GRIN2A: variants seen among roughly 807,000 people sequenced by gnomAD.
GRIN2A encodes glutamate ionotropic receptor NMDA type subunit 2A, also known as glutamate receptor ionotropic, NMDA 2A.
A neutral mutation model predicts 113.4 loss-of-function variants in GRIN2A; 22 were observed. The observed-to-expected ratio is 0.19, with a 90% confidence interval of 0.14 to 0.28. The LOEUF is 0.28. Ranked by LOEUF, GRIN2A falls within the 10% of genes least tolerant of loss-of-function variation. The probability of loss-of-function intolerance (pLI) is 1.00; values close to 1 mark genes in which losing one functional copy is unlikely to be tolerated. For missense variants in GRIN2A, 1,502 were observed against 1,887.0 expected, an observed-to-expected ratio of 0.80 and a Z score of 3.78; for synonymous variants, 827 against 738.4, an observed-to-expected ratio of 1.12 and a Z score of -1.94.
intron 4 of GRIN2A, among the ~76,000 whole-genome samples, chr16:9,873,523 A>G (rs115104987): frequency 0.011 from 1,603 of 149,080 alleles, 15 homozygotes; most frequent in African/African-American, 0.039. Flanking sequence ...AAACAAAGTG[A>G]GACACCCCCC....
intron 2 of GRIN2A, among the ~76,000 whole-genome samples, chr16:10,043,972 C>CAT (rs113409737): frequency 0.01 from 1,410 of 139,222 alleles, 20 homozygotes; most frequent in African/African-American, 0.03. Context: ...TACACACACA[C>CAT]ATATATATAT....
intron 2 of GRIN2A, among the ~76,000 whole-genome samples, chr16:10,073,962 T>C (rs149167181): frequency 3.7e-5 from 5 of 136,012 alleles, no homozygotes; most frequent in African/African-American, 8.2e-5. Context: ...ACACAGAAAA[T>C]ATTTGCAAAT....
chr16:9,830,522 A>G (rs1316742456), intron 8 of GRIN2A, among the ~76,000 whole-genome samples: 1 of 151,680 alleles, frequency 6.6e-6, no homozygotes, highest in African/African-American at 2.4e-5. Flanking sequence ...CCCTAATTTC[A>G]TAGGGAAGGT....
intron 2 of GRIN2A, among the ~76,000 whole-genome samples, chr16:9,971,030 G>A (rs1354812894): frequency 6.6e-6 from 1 of 152,148 alleles, no homozygotes; most frequent in African/African-American, 2.4e-5. Flanking sequence ...GAGGCTAGAA[G>A]GCTATTTCAG....
chr16:9,837,375 AC>A (rs2042599027), intron 7 of GRIN2A, among the ~76,000 whole-genome samples: 1 of 152,040 alleles, frequency 6.6e-6, no homozygotes, highest in Non-Finnish European at 1.5e-5. Flanking sequence ...TTAGCAAAAT[AC>A]TTGACATTTT....
intron 2 of GRIN2A, among the ~76,000 whole-genome samples, chr16:9,990,123 C>T (rs1399077317): frequency 6.6e-6 from 1 of 152,098 alleles, no homozygotes; most frequent in Non-Finnish European, 1.5e-5. Context: ...AAAGACATAG[C>T]ATCAACCCAC....
intron 3 of GRIN2A, among the ~76,000 whole-genome samples, chr16:9,912,335 G>A (rs2044158716): frequency 6.6e-6 from 1 of 152,018 alleles, no homozygotes; most frequent in Admixed American, 6.6e-5. Flanking sequence ...TGTTGATGAT[G>A]ATGACGATGA....
chr16:9,954,645 T>C (rs1408695285), intron 2 of GRIN2A, among the ~76,000 whole-genome samples: 1 of 152,134 alleles, frequency 6.6e-6, no homozygotes, highest in African/African-American at 2.4e-5. Context: ...CATCTCTCCA[T>C]TTTTCAATCC....
chr16:9,847,876 T>C (rs908834406), intron 5 of GRIN2A, among the ~76,000 whole-genome samples: 5 of 147,822 alleles, frequency 3.4e-5, no homozygotes, highest in Admixed American at 1.4e-4. Flanking sequence ...TGTGACCTCA[T>C]TGATAAAATT....
In GRIN2A at chr16:9,764,682, G is replaced by A; in HGVS notation, c.2862C>T (p.Ser954=). 1 of 1,614,142 alleles carries A rather than the reference G, an allele frequency of 6.2e-7. No homozygotes were observed. Among genetic ancestry groups the A allele is most frequent in the Non-Finnish European group, 8.5e-7 (1 of 1,179,990 alleles). The change falls in exon 13 of 13, where the codon AGC becomes AGT. Residue 954 remains serine, a synonymous_variant. Coordinates refer to ENST00000330684, the MANE Select transcript of GRIN2A (RefSeq NM_001134407.3). ...SDNRSFQGKE[S]IFGDNMNELQ... Reference sequence around the variant, plus strand: ...GTTCGTTCATGTTGTCTCCAAAAATGCTCTCTTTCCCCTGAAAGGACCTGT... The same window carrying A: ...GTTCGTTCATGTTGTCTCCAAAAATACTCTCTTTCCCCTGAAAGGACCTGT...
At chr16:10,103,913 C>T (rs2048446086) in intron 2 of GRIN2A, among the ~76,000 whole-genome samples, 1 of 152,212 alleles carries the variant, frequency 6.6e-6, no homozygotes, top group African/African-American at 2.4e-5. Context: ...TTTCTCTCCA[C>T]TCTCAGAAAT....
chr16:10,144,509 T>G (rs1335824689), intron 2 of GRIN2A, among the ~76,000 whole-genome samples: 1 of 152,242 alleles, frequency 6.6e-6, no homozygotes. Context: ...TAATTGTCCA[T>G]TTAATAATTT....
intron 2 of GRIN2A, among the ~76,000 whole-genome samples, chr16:10,136,397 C>T (rs188509092): frequency 6.6e-6 from 1 of 152,258 alleles, no homozygotes; most frequent in Non-Finnish European, 1.5e-5. Flanking sequence ...CAACTAGGTG[C>T]TAATGAAACC....
chr16:10,075,682 A>T (rs1407451724), intron 2 of GRIN2A, among the ~76,000 whole-genome samples: 2 of 152,196 alleles, frequency 1.3e-5, no homozygotes, highest in African/African-American at 4.8e-5. Flanking sequence ...CACCTTGATG[A>T]CACATATCAA....
chr16:10,014,100 T>A (rs2046559600), intron 2 of GRIN2A, among the ~76,000 whole-genome samples: 1 of 152,220 alleles, frequency 6.6e-6, no homozygotes, highest in African/African-American at 2.4e-5. Context: ...AGTGCAAGCC[T>A]GTATAGCCTA....
chr16:9,804,210 A>C (rs908960902), intron 10 of GRIN2A, among the ~76,000 whole-genome samples: 13 of 152,306 alleles, frequency 8.5e-5, no homozygotes, highest in African/African-American at 3.1e-4. Context: ...TAATTTCCAT[A>C]GTAGACAGTG....
chr16:9,804,175 G>A (rs943022206), intron 10 of GRIN2A, among the ~76,000 whole-genome samples: 18 of 152,274 alleles, frequency 1.2e-4, no homozygotes, highest in African/African-American at 4.1e-4. Flanking sequence ...CACCTGAAAC[G>A]GAAGCCCGCC....
chr16:9,772,759 C>G (rs1180643489), intron 11 of GRIN2A, among the ~76,000 whole-genome samples: 1 of 152,140 alleles, frequency 6.6e-6, no homozygotes, highest in East Asian at 1.9e-4. Flanking sequence ...TCGGTGTTGC[C>G]TCAAACCAAG....
At position 9,960,013 on chromosome 16, in the gene GRIN2A, A is replaced by G. The variant is rs987673814; in HGVS notation, c.415-21462T>C. Among the ~76,000 whole-genome samples, 11 of 152,202 alleles carry G rather than the reference A, an allele frequency of 7.2e-5. No homozygotes were observed. In the South Asian group the frequency reaches 2.1e-3, roughly 29 times the overall value. On this transcript the variant is annotated intron_variant, in intron 2 of 12. Transcript: ENST00000330684. The stretch of plus-strand genomic sequence containing the variant: ...AACCATAGCACATACCAGCAAACCT[A>G]GAAACTCACTGAAACCACATAATTG...
Sources: allele counts gnomAD v4.1 joint callset (sites outside exome capture counted in the v4.1 genomes callset), GRCh38; gene constraint gnomAD v4.1.1; transcripts MANE v1.5; gene names NCBI Gene and HGNC (gene_info 2026-07-23, HGNC 2026-07-21).